The following PSMA1 variants were observed in gnomAD, a reference collection of about 807,000 sequenced individuals.
PSMA1 encodes the protein proteasome 20S subunit alpha 1, also known as proteasome subunit alpha type-1.
In PSMA1, 3 loss-of-function variants were observed where a neutral mutation model predicts 38.4. That is an observed-to-expected ratio of 0.08 (90% CI 0.04 to 0.20). The LOEUF is 0.20. Ranked by LOEUF, PSMA1 falls within the 10% of genes least tolerant of loss-of-function variation. The pLI, the probability that PSMA1 is intolerant of heterozygous loss-of-function variation, is 1.00. For missense variants in PSMA1, 227 were observed against 325.3 expected, an observed-to-expected ratio of 0.70 and a Z score of 2.32; for synonymous variants, 101 against 107.1, an observed-to-expected ratio of 0.94 and a Z score of 0.35.
At chr11:14,530,659 T>G (rs1392073449) in intron 2 of PSMA1, among the ~76,000 whole-genome samples, 1 of 152,160 alleles carries the variant, frequency 6.6e-6, no homozygotes, top group Non-Finnish European at 1.5e-5. Flanking sequence ...ATCCCAGCAC[T>G]TTGGGAGGCC....
chr11:14,530,114 C>A (rs1851630990), intron 2 of PSMA1, among the ~76,000 whole-genome samples: 1 of 152,142 alleles, frequency 6.6e-6, no homozygotes, highest in Non-Finnish European at 1.5e-5. Context: ...ATGAGTCAGA[C>A]ACTAGTCCAC....
At chr11:14,608,628 AAT>A (rs1852672233) in intron 2 of PSMA1, among the ~76,000 whole-genome samples, 1 of 147,926 alleles carries the variant, frequency 6.8e-6, no homozygotes, top group South Asian at 2.1e-4. Context: ...ATATGTTAAA[AAT>A]ATATAATTAT....
chr11:14,626,530 T>G (rs935815233), intron 1 of PSMA1, among the ~76,000 whole-genome samples: 5 of 152,194 alleles, frequency 3.3e-5, no homozygotes, highest in African/African-American at 1.2e-4. Context: ...TACTTCATGA[T>G]GTGTGTGCAT....
intron 2 of PSMA1, among the ~76,000 whole-genome samples, chr11:14,564,444 T>C (rs539260476): frequency 2.6e-5 from 4 of 152,242 alleles, no homozygotes; most frequent in African/African-American, 9.6e-5. Flanking sequence ...TATTCACTCA[T>C]TGAAGTATAT....
At chr11:14,538,214 A>G (rs1851732807) in intron 2 of PSMA1, among the ~76,000 whole-genome samples, 1 of 152,132 alleles carries the variant, frequency 6.6e-6, no homozygotes, top group African/African-American at 2.4e-5. Flanking sequence ...AGTATGTTTA[A>G]TTGTGTGTAC....
At chr11:14,631,669 A>T (rs1019021842) in intron 1 of PSMA1, among the ~76,000 whole-genome samples, 1 of 152,166 alleles carries the variant, frequency 6.6e-6, no homozygotes, top group Non-Finnish European at 1.5e-5. Context: ...ACTTCTGTAG[A>T]TGTCTATTAG....
intron 2 of PSMA1, among the ~76,000 whole-genome samples, chr11:14,593,613 TGAGAGAGAGAGA>T (rs59225796): frequency 0.034 from 3,411 of 98,970 alleles, 104 homozygotes; most frequent in East Asian, 0.13. Flanking sequence ...GGAGGAAAAA[TGAGAGAGAGAGA>T]GAGAGAGAGA....
At chr11:14,567,017 T>C (rs1366944111) in intron 2 of PSMA1, among the ~76,000 whole-genome samples, 2 of 152,038 alleles carry the variant, frequency 1.3e-5, no homozygotes, top group Non-Finnish European at 2.9e-5. Flanking sequence ...GCCATGGAAG[T>C]CAGAACCACA....
rs182762029 is a variant in PSMA1, at chr11:14,553,670, T to A, written c.22-34629A>T. ...CTAATAGATTGTTTCTTTTTATTAC[T>A]GAGTAGTATTCCATGATATAGATGC... On this transcript the variant is annotated intron_variant, in intron 2 of 10. Coordinates refer to the PSMA1 transcript ENST00000418988. 1.4e-4 allele frequency among the ~76,000 whole-genome samples: 21 copies of A among 152,276 alleles called. 1 individual carries two copies. The highest frequency in any genetic ancestry group is 1.2e-3 in the Admixed American group (18 of 15,290).
chr11:14,538,598 A>G (rs963309283), intron 2 of PSMA1, among the ~76,000 whole-genome samples: 1 of 152,254 alleles, frequency 6.6e-6, no homozygotes, highest in Non-Finnish European at 1.5e-5. Context: ...GGGTAAATCA[A>G]GTTTTATACT....
chr11:14,520,270 C>A, intron 1 of PSMA1, 27 bp downstream of exon 1: 2 of 1,614,070 alleles, frequency 1.2e-6, no homozygotes, highest in Non-Finnish European at 8.5e-7. Context: ...CTGCCCTAAA[C>A]CTTCCAGAGA....
chr11:14,635,546 A>C (rs1302380299), intron 1 of PSMA1, among the ~76,000 whole-genome samples: 1 of 152,210 alleles, frequency 6.6e-6, no homozygotes, highest in African/African-American at 2.4e-5. Flanking sequence ...GACATTAATA[A>C]AATTCTGTAA....
chr11:14,624,557 A>G (rs1163569166), intron 1 of PSMA1, among the ~76,000 whole-genome samples: 2 of 151,906 alleles, frequency 1.3e-5, no homozygotes, highest in Non-Finnish European at 2.9e-5. Context: ...GAGGGAGTGC[A>G]CTCTTGCCAG....
chr11:14,590,431 G>A (rs1852398742), intron 2 of PSMA1, among the ~76,000 whole-genome samples: 1 of 152,158 alleles, frequency 6.6e-6, no homozygotes, highest in African/African-American at 2.4e-5. Flanking sequence ...AAAACAAGGT[G>A]AGAATGGTCT....
At chr11:14,615,827 G>A (rs560598432) in intron 1 of PSMA1, among the ~76,000 whole-genome samples, 1 of 152,260 alleles carries the variant, frequency 6.6e-6, no homozygotes, top group South Asian at 2.1e-4. Context: ...ACTCCTGAAA[G>A]GCAGATCTGA....
intron 2 of PSMA1, among the ~76,000 whole-genome samples, chr11:14,561,950 T>C (rs976724178): frequency 3.3e-5 from 5 of 152,182 alleles, no homozygotes; most frequent in African/African-American, 1.2e-4. Context: ...TCACTCTAGA[T>C]ACCTTAAACA....
chr11:14,565,399 C>T (rs1467835669), intron 2 of PSMA1, among the ~76,000 whole-genome samples: 2 of 151,928 alleles, frequency 1.3e-5, no homozygotes, highest in Non-Finnish European at 2.9e-5. Context: ...GATTTCTGCC[C>T]TTTGTTATAT....
chr11:14,598,743 T>G (rs992262682), intron 2 of PSMA1, among the ~76,000 whole-genome samples: 1 of 150,914 alleles, frequency 6.6e-6, no homozygotes, highest in Admixed American at 6.6e-5. Context: ...CCCATTTACA[T>G]TTAAGGTTAA....
chr11:14,545,158 T>C (rs1160181281), intron 2 of PSMA1, among the ~76,000 whole-genome samples: 1 of 152,192 alleles, frequency 6.6e-6, no homozygotes, highest in Admixed American at 6.5e-5. Context: ...AGTGGAGAAT[T>C]TTATGACTTG....
Sources: gnomAD v4.1 joint callset for allele counts (sites outside exome capture counted in the v4.1 genomes callset) on GRCh38, gnomAD v4.1.1 for gene constraint, MANE v1.5 for transcripts, NCBI Gene and HGNC (gene_info 2026-07-23, HGNC 2026-07-21) for gene names.